The following TMEM108 variants were observed in gnomAD, a reference collection of about 807,000 sequenced individuals.
TMEM108 encodes the protein cancer/testis antigen 124.
TMEM108 carries 12 observed loss-of-function variants against 35.1 expected under a neutral mutation model. That is an observed-to-expected ratio of 0.34 (90% CI 0.22 to 0.55). The LOEUF (loss-of-function observed/expected upper bound fraction) is 0.55. Ranked by LOEUF, TMEM108 falls within the 20% of genes least tolerant of loss-of-function variation. TMEM108 has a pLI of 0.89. For synonymous variants in TMEM108, 287 were observed against 308.6 expected (o/e 0.93, Z 0.73); for missense variants, 680 against 753.3 (o/e 0.90, Z 1.14).
At chr3:133,362,757 G>A (rs2072390616) in intron 3 of TMEM108, among the ~76,000 whole-genome samples, 1 of 152,140 alleles carries the variant, frequency 6.6e-6, no homozygotes, top group African/African-American at 2.4e-5. Flanking sequence ...AGCTCTTGCT[G>A]CTTCTCTCTT....
At chr3:133,173,939 G>C (rs534399975) in intron 2 of TMEM108, among the ~76,000 whole-genome samples, 27 of 152,334 alleles carry the variant, frequency 1.8e-4, no homozygotes, top group African/African-American at 6.0e-4. Context: ...TCAAAGAAAG[G>C]GGTGACAGAC....
At chr3:133,174,760 A>C (rs144739051) in intron 2 of TMEM108, among the ~76,000 whole-genome samples, 188 of 152,318 alleles carry the variant, frequency 1.2e-3, no homozygotes, top group African/African-American at 4.2e-3. Flanking sequence ...AACTCTGAAA[A>C]TCAGAGCGCT....
rs112635716 is a variant in TMEM108, at chr3:133,284,159, A to G, written c.40+54808A>G. The stretch of plus-strand genomic sequence containing the variant: ...TCTGTTTGGGCTCCTCTATTTAGTC[A>G]CCAGCTCCAAGACAGCAGGAAGAGG... On this transcript the variant is annotated intron_variant, in intron 3 of 5. Coordinates refer to ENST00000321871, the MANE Select transcript of TMEM108 (RefSeq NM_023943.4). 8.8e-4 allele frequency among the ~76,000 whole-genome samples: 134 copies of G among 152,210 alleles called. 1 individual carries two copies. Among genetic ancestry groups the G allele is most frequent in the African/African-American group, 3.2e-3 (133 of 41,548 alleles).
At chr3:133,090,669 A>G (rs955308137) in intron 2 of TMEM108, among the ~76,000 whole-genome samples, 4 of 152,232 alleles carry the variant, frequency 2.6e-5, no homozygotes, top group African/African-American at 9.6e-5. Flanking sequence ...TCTCCCATGC[A>G]GTCAGCATCC....
At chr3:133,376,596 A>G (rs528868438) in intron 3 of TMEM108, among the ~76,000 whole-genome samples, 2 of 152,270 alleles carry the variant, frequency 1.3e-5, no homozygotes, top group African/African-American at 4.8e-5. Flanking sequence ...GCCCTTGATC[A>G]GTGAATATGG....
rs1469440465 is a variant in TMEM108 at position 133,080,663 on chromosome 3, A to G, written c.-47+34643A>G. On this transcript the variant is annotated intron_variant, in intron 2 of 5. Coordinates refer to ENST00000321871, the MANE Select transcript of TMEM108 (RefSeq NM_023943.4). ...TGTTCATTTCCTTCATTCAACTCATATATTGTTTTTTTTTACACTCAGAAG... is the reference window on the plus strand; with the variant it reads ...TGTTCATTTCCTTCATTCAACTCATGTATTGTTTTTTTTTACACTCAGAAG... Among the ~76,000 whole-genome samples the G allele has an allele frequency of 2.0e-5, 3 of 151,970 alleles. No individual in the cohort carries two copies. In the East Asian group the frequency reaches 5.8e-4, roughly 29 times the overall value.
At chr3:133,295,352 C>T (rs1947129716) in intron 3 of TMEM108, among the ~76,000 whole-genome samples, 1 of 152,138 alleles carries the variant, frequency 6.6e-6, no homozygotes. Flanking sequence ...GCTTTAGCTT[C>T]CCTGCTCACC....
At chr3:133,088,867 A>G (rs1432090657) in intron 2 of TMEM108, among the ~76,000 whole-genome samples, 1 of 152,196 alleles carries the variant, frequency 6.6e-6, no homozygotes, top group Non-Finnish European at 1.5e-5. Context: ...GTGTTAGTCC[A>G]TTCTTGCATT....
rs118003947 is a variant in TMEM108 at position 133,103,067 on chromosome 3, A to G, written c.-47+57047A>G. On this transcript the variant is annotated intron_variant, in intron 2 of 5. Transcript: ENST00000321871. ...TAAAGACAGAAATACTGTTCGACTCAGCAATTCCATTATTAGGTATATACC... is the reference window on the plus strand; with the variant it reads ...TAAAGACAGAAATACTGTTCGACTCGGCAATTCCATTATTAGGTATATACC... Among the ~76,000 whole-genome samples, 31 of 152,354 alleles carry G rather than the reference A, an allele frequency of 2.0e-4. No individual in the cohort carries two copies. The East Asian group carries it at 5.8e-3, about 28-fold the overall frequency.
chr3:133,385,904 G>A (rs77010412), intron 4 of TMEM108, among the ~76,000 whole-genome samples: 5,180 of 152,286 alleles, frequency 0.034, 289 homozygotes, highest in African/African-American at 0.11. Flanking sequence ...AGGCATATAA[G>A]AGAATTATTG....
chr3:133,177,322 A>G (rs1228166737), intron 2 of TMEM108, among the ~76,000 whole-genome samples: 2 of 152,226 alleles, frequency 1.3e-5, no homozygotes, highest in East Asian at 1.9e-4. Flanking sequence ...TTATGAGGCC[A>G]GCATCATCCT....
intron 4 of TMEM108, chr3:133,387,548 G>A: frequency 7.1e-6 from 7 of 985,372 alleles, no homozygotes; most frequent in Non-Finnish European, 8.4e-6. Context: ...TGGACTCGGG[G>A]GCGGAGGACT....
At chr3:133,287,694 T>G (rs1192002557) in intron 3 of TMEM108, among the ~76,000 whole-genome samples, 2 of 152,186 alleles carry the variant, frequency 1.3e-5, no homozygotes, top group Admixed American at 1.3e-4. Context: ...AACAAATAGA[T>G]GTTTGCTATA....
chr3:133,142,695 A>T (rs1022034022), intron 2 of TMEM108, among the ~76,000 whole-genome samples: 2 of 152,198 alleles, frequency 1.3e-5, no homozygotes, highest in African/African-American at 4.8e-5. Flanking sequence ...GTGATAATAA[A>T]ACACCTGCTA....
At chr3:133,188,271 C>G (rs573531930) in intron 2 of TMEM108, among the ~76,000 whole-genome samples, 1 of 152,118 alleles carries the variant, frequency 6.6e-6, no homozygotes, top group Non-Finnish European at 1.5e-5. Flanking sequence ...GTAGGATAAT[C>G]TCCTCATATA....
chr3:133,075,687 G>T (rs1365840797), intron 2 of TMEM108, among the ~76,000 whole-genome samples: 1 of 152,014 alleles, frequency 6.6e-6, no homozygotes, highest in Non-Finnish European at 1.5e-5. Flanking sequence ...CATTCTAACA[G>T]GTGTGAGGTG....
chr3:133,098,486 T>C lies in TMEM108; in HGVS notation c.-47+52466T>C, dbSNP rs139330116. Among the ~76,000 whole-genome samples, 666 of 152,218 alleles carry C rather than the reference T, an allele frequency of 4.4e-3. 3 individuals are homozygous for C. Among genetic ancestry groups the C allele is most frequent in the African/African-American group, 0.015 (626 of 41,526 alleles). On this transcript the variant is annotated intron_variant, in intron 2 of 5. Coordinates refer to ENST00000321871, the MANE Select transcript of TMEM108 (RefSeq NM_023943.4). ...TCACATTTCAAAACCAATTATGCCT[T>C]CCGAACAGTCCCCCAAAGTCTTAAC...
chr3:133,268,859 A>G (rs1277548410), intron 3 of TMEM108, among the ~76,000 whole-genome samples: 1 of 152,246 alleles, frequency 6.6e-6, no homozygotes, highest in Non-Finnish European at 1.5e-5. Flanking sequence ...AAGATAATGC[A>G]CATTCTGGAA....
At chr3:133,096,998 C>T (rs375118645) in intron 2 of TMEM108, among the ~76,000 whole-genome samples, 2 of 152,346 alleles carry the variant, frequency 1.3e-5, no homozygotes, top group African/African-American at 4.8e-5. Context: ...CTTCTTTTCT[C>T]TTCTGTCCGC....
Sources: gnomAD v4.1 joint callset for allele counts (sites outside exome capture counted in the v4.1 genomes callset) on GRCh38, gnomAD v4.1.1 for gene constraint, MANE v1.5 for transcripts, NCBI Gene and HGNC (gene_info 2026-07-23, HGNC 2026-07-21) for gene names.